The following HIVEP3 variants were observed in gnomAD, a reference collection of about 807,000 sequenced individuals.
HIVEP3 encodes transcription factor HIVEP3.
In HIVEP3, 49 loss-of-function variants were observed where a neutral mutation model predicts 152.8. That is an observed-to-expected ratio of 0.32 (90% confidence interval 0.26 to 0.41). The LOEUF (loss-of-function observed/expected upper bound fraction) is 0.41, where lower values mean the gene tolerates loss of function less well. Among genes scored for constraint, HIVEP3 ranks in the 10% least tolerant of loss-of-function variants. HIVEP3 has a pLI of 1.00. For missense variants in HIVEP3, 2,790 were observed against 3,103.3 expected, an observed-to-expected ratio of 0.90 and a Z score of 2.40; for synonymous variants, 1,269 against 1,289.0, an observed-to-expected ratio of 0.98 and a Z score of 0.33.
intron 5 of HIVEP3, among the ~76,000 whole-genome samples, chr1:41,528,115 A>T (rs1307165407): frequency 4.1e-5 from 4 of 96,440 alleles, no homozygotes; most frequent in Non-Finnish European, 8.2e-5. Context: ...CCACCCTCAC[A>T]CCCTTACCCT....
At position 41,662,899 on chromosome 1, in the gene HIVEP3, G is replaced by C. The variant is rs191207173; in HGVS notation, c.-720-33952C>G. 0.016 allele frequency among the ~76,000 whole-genome samples: 2,470 copies of C among 152,240 alleles called. 32 individuals carry two copies. The highest frequency in any genetic ancestry group is 0.021 in the Non-Finnish European group (1,453 of 67,990). On this transcript the variant is annotated intron_variant, in intron 2 of 8. Coordinates refer to ENST00000372583, the MANE Select transcript of HIVEP3 (RefSeq NM_024503.5). This position sits in a 1 kb window ranked among gnomAD's most constrained non-coding sequence, Gnocchi z 7.2. ...CCCGCCTTCCCCCTGGGTGCCAGCC[G>C]GGCTCCGGGAAGCCCGCGCCTCCCC... is the stretch of plus-strand genomic sequence containing the variant.
intron 1 of HIVEP3, among the ~76,000 whole-genome samples, chr1:41,723,920 G>A (rs1646714462): frequency 6.6e-6 from 1 of 152,228 alleles, no homozygotes; most frequent in Non-Finnish European, 1.5e-5. Context: ...GACCACCAGA[G>A]TAGCTTAATC....
chr1:41,783,389 C>T lies in HIVEP3; in HGVS notation c.-800-82394G>A, dbSNP rs1437439046. Reference sequence around the variant, plus strand: ...ACTGACTCAAAGAGAGGGGGTGGCACGGTTGTAAATCAGAGGAATGGCTTT... The same window carrying T: ...ACTGACTCAAAGAGAGGGGGTGGCATGGTTGTAAATCAGAGGAATGGCTTT... On this transcript the variant is annotated intron_variant, in intron 1 of 8. Coordinates refer to ENST00000372583, the MANE Select transcript of HIVEP3 (RefSeq NM_024503.5). Among the ~76,000 whole-genome samples the T allele has an allele frequency of 3.9e-5, 6 of 152,210 alleles. No individual in the cohort carries two copies. In the South Asian group the frequency reaches 1.0e-3, roughly 26 times the overall value.
At chr1:41,597,577 C>A (rs1329683429) in intron 3 of HIVEP3, among the ~76,000 whole-genome samples, 1 of 152,128 alleles carries the variant, frequency 6.6e-6, no homozygotes, top group Admixed American at 6.5e-5. Context: ...GGCCCAAAAT[C>A]ACAAAACTGA....
chr1:41,849,280 C>T (rs1214224148), intron 1 of HIVEP3, among the ~76,000 whole-genome samples: 6 of 152,206 alleles, frequency 3.9e-5, no homozygotes, highest in Non-Finnish European at 4.4e-5. Context: ...CACCACTGAT[C>T]TTCACGACAG....
intron 1 of HIVEP3, among the ~76,000 whole-genome samples, chr1:42,023,942 T>C (rs1417688194): frequency 1.3e-5 from 2 of 152,222 alleles, no homozygotes; most frequent in Admixed American, 1.3e-4. Context: ...CCTTTATCTG[T>C]AGTGTCTCCT....
intron 1 of HIVEP3, among the ~76,000 whole-genome samples, chr1:41,730,870 A>T (rs1646829570): frequency 6.6e-6 from 1 of 152,066 alleles, no homozygotes; most frequent in African/African-American, 2.4e-5. Context: ...TATTCAGGGG[A>T]TCTAATGGGA....
chr1:41,676,148 C>G (rs1244061964), intron 2 of HIVEP3, among the ~76,000 whole-genome samples: 1 of 152,044 alleles, frequency 6.6e-6, no homozygotes, highest in African/African-American at 2.4e-5. Flanking sequence ...GCCTCCCAGG[C>G]TCAACTGATT....
At chr1:41,585,430 G>A in intron 3 of HIVEP3, 112 bp from the exon 4 acceptor site, 1 of 398,150 alleles carries the variant, frequency 2.5e-6, no homozygotes, top group Non-Finnish European at 4.4e-6. Flanking sequence ...ACACCTGGCT[G>A]AGACCCCTCA....
intron 3 of HIVEP3, among the ~76,000 whole-genome samples, chr1:41,607,203 T>A (rs1351654989): frequency 6.6e-6 from 1 of 152,144 alleles, no homozygotes; most frequent in East Asian, 1.9e-4. Flanking sequence ...GTCTGTGGCT[T>A]CTAGTTCTAG....
At chr1:41,961,737 G>A (rs1205674347) in intron 1 of HIVEP3, among the ~76,000 whole-genome samples, 1 of 152,202 alleles carries the variant, frequency 6.6e-6, no homozygotes, top group African/African-American at 2.4e-5. Context: ...GAAAGCGAGA[G>A]AAAACATTCC....
At chr1:41,998,061 T>A (rs1413180932) in intron 1 of HIVEP3, among the ~76,000 whole-genome samples, 1 of 152,150 alleles carries the variant, frequency 6.6e-6, no homozygotes, top group African/African-American at 2.4e-5. Flanking sequence ...TGGATGTGTT[T>A]GTAAAATATC....
intron 1 of HIVEP3, among the ~76,000 whole-genome samples, chr1:41,833,864 A>G (rs953755078): frequency 6.6e-6 from 1 of 152,176 alleles, no homozygotes; most frequent in Non-Finnish European, 1.5e-5. Flanking sequence ...CACACAAAGG[A>G]AAATCCTTCA....
At chr1:41,627,368 G>T (rs773367619) in intron 3 of HIVEP3, among the ~76,000 whole-genome samples, 5 of 152,136 alleles carry the variant, frequency 3.3e-5, no homozygotes, top group Non-Finnish European at 5.9e-5. Flanking sequence ...TAAGAGTCGG[G>T]GCTGGGATTT....
chr1:41,735,957 G>A (rs562480464), intron 1 of HIVEP3, among the ~76,000 whole-genome samples: 3 of 152,076 alleles, frequency 2.0e-5, no homozygotes, highest in African/African-American at 7.2e-5. Context: ...CACTGAATCA[G>A]GCCCAAGAGT....
At chr1:42,003,861 GA>G (rs1474396484) in intron 1 of HIVEP3, among the ~76,000 whole-genome samples, 3 of 152,030 alleles carry the variant, frequency 2.0e-5, no homozygotes, top group Non-Finnish European at 4.4e-5. Context: ...GCCTCTGGGG[GA>G]GACATAAGCT....
intron 2 of HIVEP3, among the ~76,000 whole-genome samples, chr1:41,645,684 G>A (rs1645448253): frequency 6.6e-6 from 1 of 152,218 alleles, no homozygotes; most frequent in Non-Finnish European, 1.5e-5. Context: ...TTCCCAAGCT[G>A]TAGCCCAGCC....
chr1:41,745,507 T>A (rs1018701210), intron 1 of HIVEP3, among the ~76,000 whole-genome samples: 2 of 152,230 alleles, frequency 1.3e-5, no homozygotes, highest in African/African-American at 4.8e-5. Flanking sequence ...ACACTGAAGA[T>A]CCACTAGGCC....
intron 3 of HIVEP3, among the ~76,000 whole-genome samples, chr1:41,588,273 C>T (rs1366426176): frequency 2.0e-5 from 3 of 152,144 alleles, no homozygotes; most frequent in African/African-American, 7.2e-5. Context: ...TCTTATTGAT[C>T]CTTTCATGCA....
Sources: gnomAD v4.1 joint callset for allele counts (sites outside exome capture counted in the v4.1 genomes callset) on GRCh38, gnomAD v4.1.1 for gene constraint, Gnocchi (gnomAD v3.1) non-coding constraint, MANE v1.5 for transcripts, NCBI Gene and HGNC (gene_info 2026-07-23, HGNC 2026-07-21) for gene names.